BCAS4: variants seen among roughly 807,000 people sequenced by gnomAD.
BCAS4 encodes breast carcinoma-amplified sequence 4.
A neutral mutation model predicts 15.7 loss-of-function variants in BCAS4; 9 were observed. That is an observed-to-expected ratio of 0.57 (90% CI 0.34 to 1.00). The LOEUF (loss-of-function observed/expected upper bound fraction) is 1.00, where lower values mean the gene tolerates loss of function less well. Ranked by LOEUF, BCAS4 falls within the 50% of genes least tolerant of loss-of-function variation. BCAS4 has a pLI of 0.02. For missense variants in BCAS4, 225 were observed against 239.1 expected, an observed-to-expected ratio of 0.94 and a Z score of 0.39; for synonymous variants, 101 against 99.5, an observed-to-expected ratio of 1.02 and a Z score of -0.09.
chr20:50,838,751 G>A (rs987291298), intron 3 of BCAS4, among the ~76,000 whole-genome samples: 59 of 152,252 alleles, frequency 3.9e-4, no homozygotes, highest in African/African-American at 1.3e-3. Flanking sequence ...GGCTAAGGCA[G>A]GAGAATTGCT....
At position 50,876,486 on chromosome 20, in the gene BCAS4, A is replaced by C. The variant is rs150724851; in HGVS notation, c.400A>C (p.Lys134Gln). The C allele has an allele frequency of 1.3e-4, 215 of 1,612,776 alleles. No individual in the cohort carries two copies. Among genetic ancestry groups the C allele is most frequent in the Non-Finnish European group, 1.6e-4 (194 of 1,179,624 alleles). Residue 134 changes from lysine to glutamine, a missense_variant and splice_region_variant, in exon 5 of 5, where the codon AAG becomes CAG. Lys to Gln is a moderately conservative substitution (Grantham distance 53). Transcript: ENST00000371608. The part of the protein sequence containing the change: ...GSAGLPSFRN[K>Q]SPAPVPVTYE... ...AGAGCTTCATTTCTTGTCATTCCAG[A>C]AGTCACCTGCACCGGTGCCCGTGAC...
intron 4 of BCAS4, among the ~76,000 whole-genome samples, chr20:50,863,799 C>G (rs1465570131): frequency 6.6e-6 from 1 of 152,162 alleles, no homozygotes; most frequent in Non-Finnish European, 1.5e-5. Flanking sequence ...GGAGGTGGAT[C>G]TCAGTGTGAT....
intron 1 of BCAS4, among the ~76,000 whole-genome samples, chr20:50,805,245 C>A (rs77297882): frequency 1.3e-5 from 2 of 152,282 alleles, no homozygotes; most frequent in Non-Finnish European, 2.9e-5. Context: ...CGTTATCTGT[C>A]ATTCCCCAAC....
intron 3 of BCAS4, among the ~76,000 whole-genome samples, chr20:50,831,647 C>A (rs1391411698): frequency 6.6e-6 from 1 of 152,182 alleles, no homozygotes; most frequent in Admixed American, 6.5e-5. Context: ...GCAAGGTCAG[C>A]CACTTCTCTG....
intron 4 of BCAS4, among the ~76,000 whole-genome samples, chr20:50,859,201 C>T (rs1978936237): frequency 6.6e-6 from 1 of 152,132 alleles, no homozygotes; most frequent in African/African-American, 2.4e-5. Flanking sequence ...CTTGACCTCC[C>T]AAAGGGCTGA....
At chr20:50,805,660 A>G (rs1398405443) in intron 1 of BCAS4, among the ~76,000 whole-genome samples, 1 of 152,050 alleles carries the variant, frequency 6.6e-6, no homozygotes, top group African/African-American at 2.4e-5. Flanking sequence ...TGTTTTTCTT[A>G]GAAGTAAAAT....
At chr20:50,860,005 A>C (rs1978988593) in intron 4 of BCAS4, among the ~76,000 whole-genome samples, 1 of 152,278 alleles carries the variant, frequency 6.6e-6, no homozygotes, top group African/African-American at 2.4e-5. Context: ...GCATAGTAGC[A>C]TATGTCTGGG....
intron 3 of BCAS4, among the ~76,000 whole-genome samples, chr20:50,838,003 C>G: frequency 6.9e-6 from 1 of 145,054 alleles, no homozygotes; most frequent in Non-Finnish European, 1.5e-5. Flanking sequence ...TGCACATACA[C>G]ACACACACAC....
intron 1 of BCAS4, among the ~76,000 whole-genome samples, chr20:50,796,662 T>G (rs985781718): frequency 2.1e-4 from 31 of 147,808 alleles, no homozygotes; most frequent in Non-Finnish European, 3.9e-4. Context: ...GCTCAGCTAA[T>G]TTTTGTATTT....
chr20:50,802,741 G>A (rs1032372334), intron 1 of BCAS4, among the ~76,000 whole-genome samples: 23 of 152,178 alleles, frequency 1.5e-4, no homozygotes, highest in Admixed American at 1.0e-3. Flanking sequence ...GGGCATGGTG[G>A]TGGGCACCTG....
intron 1 of BCAS4, among the ~76,000 whole-genome samples, chr20:50,817,361 G>A (rs1051458040): frequency 1.3e-5 from 2 of 152,204 alleles, no homozygotes; most frequent in Non-Finnish European, 2.9e-5. Flanking sequence ...TGGGATGCCC[G>A]GTTGAATTTG....
downstream of BCAS4, chr20:50,880,956 G>A (rs183269368): frequency 2.0e-5 from 3 of 152,264 alleles, no homozygotes; most frequent in East Asian, 3.9e-4. Flanking sequence ...TCTATTGGCC[G>A]GGTGCAGTGG....
chr20:50,822,391 G>A (rs2088226966), intron 2 of BCAS4, among the ~76,000 whole-genome samples: 1 of 152,162 alleles, frequency 6.6e-6, no homozygotes. Context: ...CTTCATGGAA[G>A]GAATTAAGGA....
At chr20:50,799,331 C>T (rs1016713791) in intron 1 of BCAS4, among the ~76,000 whole-genome samples, 3 of 152,210 alleles carry the variant, frequency 2.0e-5, no homozygotes, top group Non-Finnish European at 4.4e-5. Context: ...CTCCCTGTAG[C>T]TCCATGCAGC....
intron 1 of BCAS4, among the ~76,000 whole-genome samples, chr20:50,798,264 C>A (rs1461852731): frequency 6.6e-6 from 1 of 152,048 alleles, no homozygotes; most frequent in Admixed American, 6.6e-5. Context: ...CCACTGCACT[C>A]CAGCCTGGGC....
intron 2 of BCAS4, among the ~76,000 whole-genome samples, chr20:50,829,216 C>A (rs943824850): frequency 2.0e-5 from 3 of 152,156 alleles, no homozygotes; most frequent in African/African-American, 4.8e-5. Flanking sequence ...AGGCTTCCCC[C>A]AGGAGATTCA....
chr20:50,858,709 T>A (rs1978899381), intron 4 of BCAS4, among the ~76,000 whole-genome samples: 1 of 54,702 alleles, frequency 1.8e-5, no homozygotes, highest in African/African-American at 2.2e-4. Context: ...CAACCATCCT[T>A]TTTTTTTTTT....
At chr20:50,820,212 A>G (rs1251773141) in intron 2 of BCAS4, among the ~76,000 whole-genome samples, 2 of 152,178 alleles carry the variant, frequency 1.3e-5, no homozygotes, top group African/African-American at 2.4e-5. Flanking sequence ...AGTTCAGTCC[A>G]TCTCCATTCC....
chr20:50,850,105 G>T (rs1978333888), intron 4 of BCAS4, among the ~76,000 whole-genome samples: 1 of 152,176 alleles, frequency 6.6e-6, no homozygotes, highest in African/African-American at 2.4e-5. Flanking sequence ...AAGTAGAGCG[G>T]CATCTTCTCC....
Sources: allele counts gnomAD v4.1 joint callset (sites outside exome capture counted in the v4.1 genomes callset), GRCh38; gene constraint gnomAD v4.1.1; transcripts MANE v1.5; gene names NCBI Gene and HGNC (gene_info 2026-07-23, HGNC 2026-07-21).